Variants in C11orf65 observed in about 807,000 individuals in gnomAD.
The protein encoded by C11orf65 is chromosome 11 open reading frame 65, also known as protein MFI.
A neutral mutation model predicts 35.3 loss-of-function variants in C11orf65; 38 were observed. That is an observed-to-expected ratio of 1.08 (90% CI 0.83 to 1.41). C11orf65 has a LOEUF of 1.41. C11orf65 is among the 40% of genes most tolerant of loss of function. C11orf65 has a pLI of 0.00. For synonymous variants in C11orf65, 105 were observed against 114.4 expected, an observed-to-expected ratio of 0.92 and a Z score of 0.53; for missense variants, 370 against 367.1, an observed-to-expected ratio of 1.01 and a Z score of -0.06.
rs1319574149 is a variant in C11orf65 at position 108,325,620 on chromosome 11, G to A, written c.641-16549C>T. Reference sequence around the variant, plus strand: ...TATTTAAAAAACAGAAAGCCTGAGGGAAAAAGAAATGTCATTAAGAGATAG... The same window carrying A: ...TATTTAAAAAACAGAAAGCCTGAGGAAAAAAGAAATGTCATTAAGAGATAG... On this transcript the variant is annotated intron_variant, in intron 6 of 6. Transcript: ENST00000525729. 42 of 1,249,016 alleles carry A rather than the reference G, an allele frequency of 3.4e-5. 1 individual carries two copies. The Middle Eastern group carries it at 6.9e-4, about 21-fold the overall frequency. 77.4% of individuals were successfully genotyped at this position (1,249,016 alleles called of 1,614,324 possible). A position where few individuals can be genotyped will look rare whatever the true frequency, so the allele number is the denominator to read the frequency against.
intron 2 of C11orf65, among the ~76,000 whole-genome samples, chr11:108,450,888 C>A (rs1425888448): frequency 6.6e-6 from 1 of 151,976 alleles, no homozygotes; most frequent in Non-Finnish European, 1.5e-5. Context: ...AGCATATAAA[C>A]AGAACCAATT....
intron 1 of C11orf65, among the ~76,000 whole-genome samples, chr11:108,465,308 CAA>C (rs1235625103): frequency 6.6e-6 from 1 of 151,976 alleles, no homozygotes; most frequent in East Asian, 1.9e-4. Context: ...TAGAAGCTGC[CAA>C]AAAAGTATGT....
At chr11:108,330,083 C>G (rs2086092854), downstream of C11orf65, 3 of 901,420 alleles carry the variant, frequency 3.3e-6, no homozygotes, top group South Asian at 1.5e-5. Flanking sequence ...CCTTTATAAT[C>G]CTTAGAAGTT....
intron 7 of C11orf65, among the ~76,000 whole-genome samples, chr11:108,390,100 T>C (rs2092117240): frequency 6.6e-6 from 1 of 152,070 alleles, no homozygotes; most frequent in Non-Finnish European, 1.5e-5. Context: ...GTCAGCTCAC[T>C]GCAACCTCCA....
intron 3 of C11orf65, among the ~76,000 whole-genome samples, chr11:108,413,366 C>T (rs973107611): frequency 3.3e-5 from 5 of 152,144 alleles, no homozygotes; most frequent in African/African-American, 1.2e-4. Context: ...TCCAACTCTC[C>T]ACTGTCTATC....
At chr11:108,437,809 G>T (rs974425245) in intron 2 of C11orf65, among the ~76,000 whole-genome samples, 17 of 145,288 alleles carry the variant, frequency 1.2e-4, no homozygotes, top group Non-Finnish European at 1.2e-4. Context: ...TAAGATGACA[G>T]TATTACCCAA....
chr11:108,406,850 A>G lies in C11orf65; in HGVS notation c.342T>C (p.His114=), dbSNP rs774509981. Residue 114 remains histidine (H), a synonymous_variant, in exon 5 of 9, where the codon CAT becomes CAC. Transcript: ENST00000393084. ...YAKLPAKHTS[H]NKNDHLQEED... The stretch of plus-strand genomic sequence containing the variant: ...CTTCCTGAAGATGATCATTTTTATT[A>G]TGAGATGTATGCTTTGCTGGAAGTT... 4.3e-6 allele frequency: 7 copies of G among 1,612,840 alleles called. No homozygotes were observed. The South Asian group carries it at 7.7e-5, about 18-fold the overall frequency.
intron 2 of C11orf65, chr11:108,354,704 T>C (rs1591312800): frequency 2.0e-6 from 2 of 998,034 alleles, no homozygotes; most frequent in Non-Finnish European, 3.2e-6. Context: ...GATATGTAGA[T>C]TATTAAGCAT....
chr11:108,329,347 T>G, downstream of C11orf65: 3 of 1,023,082 alleles, frequency 2.9e-6, no homozygotes, highest in South Asian at 1.5e-5. Flanking sequence ...TTTTGAGCTC[T>G]AAAGGTCGGC....
intron 4 of C11orf65, 37 bp from the exon 5 acceptor site, chr11:108,407,000 A>C (rs374950387): frequency 7.4e-5 from 117 of 1,571,878 alleles, no homozygotes; most frequent in Non-Finnish European, 8.3e-5. Context: ...ATTGTAATGT[A>C]ACTACAAAAA....
chr11:108,412,510 A>G lies in C11orf65; in HGVS notation c.175-5361T>C, dbSNP rs574727532. The stretch of plus-strand genomic sequence containing the variant: ...ACCCACTTTAAATATAAAGACACAG[A>G]TTAATAACAAAGAAAAGAACAAAGA... On this transcript the variant is annotated intron_variant, in intron 3 of 8. Coordinates refer to ENST00000393084, the MANE Select transcript of C11orf65 (RefSeq NM_152587.5). 2.6e-4 allele frequency among the ~76,000 whole-genome samples: 39 copies of G among 152,300 alleles called. No individual in the cohort carries two copies. The East Asian group carries it at 4.6e-3, about 18-fold the overall frequency.
At chr11:108,432,751 T>C (rs968492291) in intron 2 of C11orf65, among the ~76,000 whole-genome samples, 5 of 152,292 alleles carry the variant, frequency 3.3e-5, no homozygotes, top group African/African-American at 9.6e-5. Flanking sequence ...TCTATACTAA[T>C]AGTATTCTTT....
At chr11:108,404,735 G>T (rs1035841384) in intron 6 of C11orf65, among the ~76,000 whole-genome samples, 1 of 151,884 alleles carries the variant, frequency 6.6e-6, no homozygotes, top group African/African-American at 2.4e-5. Context: ...GGCCACATGG[G>T]GGTTTATTTC....
intron 2 of C11orf65, among the ~76,000 whole-genome samples, chr11:108,451,532 C>T (rs1441462858): frequency 6.6e-6 from 1 of 151,920 alleles, no homozygotes; most frequent in East Asian, 1.9e-4. Flanking sequence ...AAGAACATTC[C>T]ATGCTCATGG....
At chr11:108,442,119 A>G (rs940825256) in intron 2 of C11orf65, among the ~76,000 whole-genome samples, 12 of 152,212 alleles carry the variant, frequency 7.9e-5, no homozygotes, top group Non-Finnish European at 1.2e-4. Context: ...AACAGTGTAG[A>G]GAAGACCTTA....
upstream of C11orf65, among the ~76,000 whole-genome samples, chr11:108,469,313 G>A (rs1414901312): frequency 6.6e-6 from 1 of 151,530 alleles, no homozygotes; most frequent in African/African-American, 2.4e-5. Flanking sequence ...ATAAATTTAT[G>A]TATATTTTAC....
At position 108,446,130 on chromosome 11, in the gene C11orf65, C is replaced by T. The variant is rs201277002; in HGVS notation, c.82-14292G>A. ...AAAGCCTCCAAGAAATATGGGACTA[C>T]GTGAAAAGACCAAATCTACGTCTGA... On this transcript the variant is annotated intron_variant, in intron 2 of 8. Coordinates refer to ENST00000393084, the MANE Select transcript of C11orf65 (RefSeq NM_152587.5). 5.0e-4 allele frequency among the ~76,000 whole-genome samples: 76 copies of T among 151,512 alleles called. 1 individual carries two copies. The highest frequency in any genetic ancestry group is 7.7e-4 in the East Asian group (4 of 5,162).
chr11:108,349,797 A>AT (rs1252513270), intron 2 of C11orf65, among the ~76,000 whole-genome samples: 2 of 152,200 alleles, frequency 1.3e-5, no homozygotes, highest in Non-Finnish European at 2.9e-5. Context: ...CCTGTTAGAT[A>AT]TTGAAGATAC....
At chr11:108,347,232 A>G (rs1443485384) in intron 2 of C11orf65, 2 of 1,363,796 alleles carry the variant, frequency 1.5e-6, no homozygotes, top group East Asian at 2.3e-5. Flanking sequence ...TATATTAGAA[A>G]GAGATGGAAT....
Sources: allele counts gnomAD v4.1 joint callset (sites outside exome capture counted in the v4.1 genomes callset), GRCh38; gene constraint gnomAD v4.1.1; transcripts MANE v1.5; gene names NCBI Gene and HGNC (gene_info 2026-07-23, HGNC 2026-07-21).